The following ITPK1 variants were observed in gnomAD, a reference collection of about 807,000 sequenced individuals.
ITPK1 encodes inositol 1,3,4-trisphosphate 5/6-kinase.
Under a neutral mutation model 45.3 loss-of-function variants are expected in ITPK1, and 21 were observed. The ratio of observed to expected loss-of-function variants is 0.46; its 90% confidence interval spans 0.33 to 0.67. The LOEUF is 0.67. ITPK1 is among the 30% of genes least tolerant of loss of function. ITPK1 has a pLI of 0.02. For missense variants in ITPK1, 474 were observed against 573.5 expected (o/e 0.83, Z 1.77); for synonymous variants, 258 against 253.6 (o/e 1.02, Z -0.16).
intron 2 of ITPK1, among the ~76,000 whole-genome samples, chr14:93,096,774 T>G (rs868749691): frequency 5.9e-5 from 9 of 152,266 alleles, no homozygotes; most frequent in South Asian, 2.1e-4. Flanking sequence ...GCTCCAATGT[T>G]CTAACCTCCT....
At chr14:93,069,276 T>C in intron 3 of ITPK1, 1 of 154,544 alleles carries the variant, frequency 6.5e-6, no homozygotes, top group East Asian at 1.9e-4. Flanking sequence ...AGCTTTCGCC[T>C]GCAGAAGCCC....
chr14:92,995,436 G>C (rs1887003001), intron 4 of ITPK1, among the ~76,000 whole-genome samples: 1 of 152,212 alleles, frequency 6.6e-6, no homozygotes, highest in African/African-American at 2.4e-5. Context: ...CACTTGTTAA[G>C]CCAAAAGCCA....
chr14:93,088,336 G>GTTTTTTTT lies in ITPK1; in HGVS notation c.96-11718_96-11717insAAAAAAAA, dbSNP rs764902793. On this transcript the variant is annotated intron_variant, in intron 2 of 10. Coordinates refer to ENST00000267615, the MANE Select transcript of ITPK1 (RefSeq NM_014216.6). ...GTTGCATCTTTTCTTTTTTGGTTTT[G>GTTTTTTTT]TTTTGTTTTTTTTTTTTTTTTGAGA... Among the ~76,000 whole-genome samples the GTTTTTTTT allele has an allele frequency of 1.3e-3, 159 of 126,598 alleles. 7 individuals carry two copies. The highest frequency in any genetic ancestry group is 2.3e-3 in the South Asian group (10 of 4,268). 83.1% of individuals were successfully genotyped at this position (126,598 alleles called of 152,430 possible).
intron 2 of ITPK1, among the ~76,000 whole-genome samples, chr14:93,080,862 G>A (rs111766175): frequency 0.018 from 2,800 of 151,904 alleles, 95 homozygotes; most frequent in African/African-American, 0.063. Flanking sequence ...TCGGCCTCCC[G>A]AGTAGCTGGG....
chr14:93,024,255 C>G (rs1420243637), intron 3 of ITPK1, among the ~76,000 whole-genome samples: 2 of 152,178 alleles, frequency 1.3e-5, no homozygotes, highest in Admixed American at 6.5e-5. Flanking sequence ...CTGGCCAGTG[C>G]TCTTCTTCCC....
intron 4 of ITPK1, among the ~76,000 whole-genome samples, chr14:92,996,919 A>T (rs1409990968): frequency 6.6e-6 from 1 of 152,230 alleles, no homozygotes; most frequent in Non-Finnish European, 1.5e-5. Context: ...CATCTGTGAC[A>T]TGAAGAATAC....
intron 5 of ITPK1, among the ~76,000 whole-genome samples, chr14:92,965,833 G>A (rs949510525): frequency 3.3e-5 from 5 of 152,054 alleles, no homozygotes; most frequent in South Asian, 2.1e-4. Flanking sequence ...GAGAAAACCC[G>A]TCTCTACTAA....
At chr14:93,072,360 T>A (rs1292788723) in intron 3 of ITPK1, among the ~76,000 whole-genome samples, 1 of 151,722 alleles carries the variant, frequency 6.6e-6, no homozygotes, top group African/African-American at 2.4e-5. Context: ...TAAAAATACA[T>A]CTATACAATG....
At chr14:92,954,742 C>T (rs1294760939) in intron 8 of ITPK1, among the ~76,000 whole-genome samples, 2 of 148,444 alleles carry the variant, frequency 1.3e-5, no homozygotes, top group Non-Finnish European at 3.0e-5. Flanking sequence ...CCTTCATCTC[C>T]TCTCTCTCTC....
intron 7 of ITPK1, among the ~76,000 whole-genome samples, chr14:92,959,913 C>G (rs1259566307): frequency 6.6e-6 from 1 of 152,114 alleles, no homozygotes; most frequent in African/African-American, 2.4e-5. Flanking sequence ...ACGAGGACTC[C>G]CGATCAGAAG....
chr14:93,025,124 G>A (rs750733219), intron 3 of ITPK1, among the ~76,000 whole-genome samples: 10 of 152,154 alleles, frequency 6.6e-5, no homozygotes, highest in Non-Finnish European at 2.9e-5. Context: ...GTCAGGAAGC[G>A]AGAACCTGTC....
At chr14:92,980,075 C>T (rs111284773) in intron 5 of ITPK1, among the ~76,000 whole-genome samples, 2,342 of 152,296 alleles carry the variant, frequency 0.015, 69 homozygotes, top group African/African-American at 0.054. Flanking sequence ...GCCACCATGA[C>T]AGGCCTCAAG....
At chr14:93,047,449 G>A (rs912603993) in intron 3 of ITPK1, among the ~76,000 whole-genome samples, 5 of 152,220 alleles carry the variant, frequency 3.3e-5, no homozygotes, top group African/African-American at 1.2e-4. Flanking sequence ...CATCAGGGTT[G>A]GCCCTGATTC....
intron 2 of ITPK1, among the ~76,000 whole-genome samples, chr14:93,102,463 A>T (rs778473366): frequency 3.7e-4 from 57 of 152,350 alleles, no homozygotes; most frequent in Non-Finnish European, 3.1e-4. Context: ...GAATGTTAGG[A>T]CTTTAAAATC....
chr14:93,017,588 C>A (rs1348703597), intron 3 of ITPK1, among the ~76,000 whole-genome samples: 1 of 152,242 alleles, frequency 6.6e-6, no homozygotes, highest in Non-Finnish European at 1.5e-5. Flanking sequence ...GCTTCCTGAC[C>A]CGCCACATGT....
Position 93,016,769 on chromosome 14 carries a change from G to A in ITPK1, c.153C>T (p.Gly51=). The part of the protein sequence containing the change: ...LNLSRPIEEQ[G]PLDVIIHKLT... ...GCTTGTGGATGATGACGTCCAGGGG[G>A]CCCTGCTCCTCGATCGGCCGGCTAA... Residue 51 remains glycine (G), a synonymous_variant, in exon 4 of 11, where the codon GGC becomes GGT. Coordinates refer to ENST00000267615, the MANE Select transcript of ITPK1 (RefSeq NM_014216.6). The surrounding 1 kb of genome is among the most constrained non-coding windows in gnomAD (Gnocchi z 5.0). 16 of 1,614,106 alleles carry A rather than the reference G, an allele frequency of 9.9e-6. No homozygotes were observed. The highest frequency in any genetic ancestry group is 1.4e-5 in the Non-Finnish European group (16 of 1,179,984).
In ITPK1 at chr14:92,938,479, T is replaced by C. The variant is rs749062305; in HGVS notation, c.*3082A>G. The C allele has an allele frequency of 5.6e-5, 90 of 1,611,728 alleles. 1 individual carries two copies. The East Asian group carries it at 1.5e-3, about 27-fold the overall frequency. ...TTGGCTCAAACATGTGACAGCTTCC[T>C]ACTTCAGTCGGTCTTCCAGCCTTCT... is the stretch of plus-strand genomic sequence containing the variant. On this transcript the variant is annotated 3_prime_UTR_variant, in exon 11 of 11. Transcript: ENST00000267615.
chr14:93,016,624 C>CCCT lies in ITPK1; in HGVS notation c.246+49_246+51dup. The CCCT allele has an allele frequency of 6.3e-7, 1 of 1,599,320 alleles. No individual in the cohort carries two copies. Among genetic ancestry groups the CCCT allele is most frequent in the Non-Finnish European group, 8.6e-7 (1 of 1,169,030 alleles). On this transcript the variant is annotated intron_variant, in intron 4 of 10. Coordinates refer to ENST00000267615, the MANE Select transcript of ITPK1 (RefSeq NM_014216.6). This position sits in a 1 kb window ranked among gnomAD's most constrained non-coding sequence, Gnocchi z 5.0. Reference sequence around the variant, plus strand: ...ACACACACGGCCATTCCAGGGCCTCCCCTCCTCCTCCTGAAAATGCCACAG... The same window carrying CCCT: ...ACACACACGGCCATTCCAGGGCCTCCCCTCCTCCTCCTCCTGAAAATGCCACAG...
chr14:92,965,910 G>C (rs1227840178), intron 5 of ITPK1, among the ~76,000 whole-genome samples: 2 of 152,230 alleles, frequency 1.3e-5, no homozygotes, highest in Middle Eastern at 3.2e-3. Flanking sequence ...GGCCGAGGCA[G>C]GAGAATCGCT....
Sources: gnomAD v4.1 joint callset for allele counts (sites outside exome capture counted in the v4.1 genomes callset) on GRCh38, gnomAD v4.1.1 for gene constraint, Gnocchi (gnomAD v3.1) non-coding constraint, MANE v1.5 for transcripts, NCBI Gene and HGNC (gene_info 2026-07-23, HGNC 2026-07-21) for gene names.